DNAH3: variants seen among roughly 807,000 people sequenced by gnomAD.
DNAH3 encodes dynein axonemal heavy chain 3.
DNAH3 carries 332 observed loss-of-function variants against 432.5 expected under a neutral mutation model. That is an observed-to-expected ratio of 0.77 (90% CI 0.70 to 0.84). The LOEUF is 0.84. Ranked by LOEUF, DNAH3 falls within the 40% of genes least tolerant of loss-of-function variation. The pLI is 0.00. For synonymous variants in DNAH3, 1,956 were observed against 1,900.2 expected, an observed-to-expected ratio of 1.03 and a Z score of -0.76; for missense variants, 4,861 against 5,114.0, an observed-to-expected ratio of 0.95 and a Z score of 1.51.
intron 50 of DNAH3, 137 bp downstream of exon 50, chr16:20,979,193 G>A (rs2085738253): frequency 1.3e-5 from 9 of 707,844 alleles, no homozygotes; most frequent in South Asian, 3.6e-5. Flanking sequence ...AGTGATGTAG[G>A]TAAGGTAAGC....
chr16:20,942,565 A>G (rs908822309), intron 58 of DNAH3, among the ~76,000 whole-genome samples: 1 of 152,190 alleles, frequency 6.6e-6, no homozygotes, highest in African/African-American at 2.4e-5. Context: ...TCATGAAAGC[A>G]AATTAGCAAA....
At chr16:20,999,167 A>G (rs1157816353) in intron 43 of DNAH3, among the ~76,000 whole-genome samples, 1 of 151,822 alleles carries the variant, frequency 6.6e-6, no homozygotes, top group Non-Finnish European at 1.5e-5. Flanking sequence ...AGGTAGTAGG[A>G]TCACTTGGGC....
At chr16:21,073,841 G>A (rs1246400354) in intron 21 of DNAH3, among the ~76,000 whole-genome samples, 1 of 152,098 alleles carries the variant, frequency 6.6e-6, no homozygotes, top group Non-Finnish European at 1.5e-5. Flanking sequence ...AGGAAGGACT[G>A]CTACACAGAG....
intron 41 of DNAH3, among the ~76,000 whole-genome samples, chr16:21,018,834 G>A (rs925122388): frequency 1.6e-4 from 24 of 151,946 alleles, no homozygotes; most frequent in Admixed American, 1.5e-3. Context: ...GGCAGTGGGT[G>A]CAGTGAGCCA....
intron 44 of DNAH3, among the ~76,000 whole-genome samples, chr16:20,994,392 T>C (rs777628267): frequency 2.6e-5 from 4 of 152,110 alleles, no homozygotes; most frequent in South Asian, 2.1e-4. Context: ...GATCATGCCA[T>C]TGCACTCCAG....
At chr16:21,064,144 T>C (rs2090458762) in intron 24 of DNAH3, among the ~76,000 whole-genome samples, 1 of 152,244 alleles carries the variant, frequency 6.6e-6, no homozygotes, top group African/African-American at 2.4e-5. Flanking sequence ...AACATGAGTC[T>C]GTGCACGTTC....
At chr16:21,061,991 A>G (rs917758275) in intron 25 of DNAH3, among the ~76,000 whole-genome samples, 2 of 152,184 alleles carry the variant, frequency 1.3e-5, no homozygotes, top group Non-Finnish European at 2.9e-5. Context: ...TTTCCACTTG[A>G]GGGTGCTGTC....
intron 9 of DNAH3, among the ~76,000 whole-genome samples, chr16:21,123,138 T>C (rs1597429450): frequency 6.6e-6 from 1 of 152,324 alleles, no homozygotes; most frequent in East Asian, 1.9e-4. Context: ...TCATAATCCA[T>C]ATAACCCCAA....
intron 19 of DNAH3, 49 bp downstream of exon 19, chr16:21,086,800 G>A: frequency 6.5e-7 from 1 of 1,542,392 alleles, no homozygotes; most frequent in Non-Finnish European, 9.0e-7. Flanking sequence ...GACAGTCAGG[G>A]CCAGGCCTGG....
chr16:21,130,766 G>A (rs753432820), intron 7 of DNAH3, among the ~76,000 whole-genome samples: 4 of 152,082 alleles, frequency 2.6e-5, no homozygotes, highest in Non-Finnish European at 5.9e-5. Context: ...ACAATTTGCC[G>A]TCTTTGCTAC....
At position 20,985,736 on chromosome 16, in the gene DNAH3, G is replaced by A. The variant is rs753654014; in HGVS notation, c.7027-21C>T. 6.9e-6 allele frequency: 11 copies of A among 1,602,456 alleles called. No homozygotes were observed. In the East Asian group the frequency reaches 8.9e-5, roughly 13 times the overall value. On this transcript the variant is annotated intron_variant, in intron 47 of 61. Transcript: ENST00000261383. ...AGCACCTGTAAGAAAAGTAAATCTC[G>A]GCGGGGCATTCAGTGAATGGCCCAG...
At chr16:21,141,270 C>G (rs1292258804) in intron 4 of DNAH3, 30 bp downstream of exon 5, 2 of 1,528,814 alleles carry the variant, frequency 1.3e-6, no homozygotes, top group Admixed American at 3.8e-5. Context: ...CACCGTCCTG[C>G]CTTCTCTGGT....
intron 1 of DNAH3, among the ~76,000 whole-genome samples, chr16:21,155,490 C>T (rs543741113): frequency 2.6e-4 from 40 of 151,906 alleles, no homozygotes; most frequent in African/African-American, 9.2e-4. Context: ...GGCGTGGCGG[C>T]ACATGCCTGT....
At chr16:20,984,424 A>C (rs1259120301) in intron 48 of DNAH3, among the ~76,000 whole-genome samples, 1 of 152,170 alleles carries the variant, frequency 6.6e-6, no homozygotes, top group East Asian at 1.9e-4. Context: ...GGTAACAGAC[A>C]GGACTTGGTA....
At chr16:20,986,742 T>C (rs1407851059) in intron 47 of DNAH3, among the ~76,000 whole-genome samples, 1 of 152,166 alleles carries the variant, frequency 6.6e-6, no homozygotes, top group Non-Finnish European at 1.5e-5. Context: ...CCTCGTCCTA[T>C]GTTAGAACCC....
intron 15 of DNAH3, 82 bp from the exon 16 acceptor site, chr16:21,104,676 A>G (rs2091908709): frequency 1.3e-6 from 1 of 776,172 alleles, no homozygotes; most frequent in South Asian, 1.5e-5. Context: ...AGACAGAACA[A>G]GAGGTCAACA....
intron 41 of DNAH3, among the ~76,000 whole-genome samples, chr16:21,017,940 CTTTA>C (rs1328576510): frequency 2.0e-5 from 3 of 152,154 alleles, no homozygotes; most frequent in South Asian, 2.1e-4. Context: ...ACCGTTAGCT[CTTTA>C]TTTGTTTTAG....
intron 53 of DNAH3, among the ~76,000 whole-genome samples, chr16:20,961,670 C>A (rs2084826884): frequency 6.6e-6 from 1 of 151,658 alleles, no homozygotes; most frequent in Non-Finnish European, 1.5e-5. Context: ...CATCAGCAAG[C>A]CAATCAGAGA....
chr16:21,115,388 TA>T (rs11460795), intron 12 of DNAH3, among the ~76,000 whole-genome samples: 35 of 141,198 alleles, frequency 2.5e-4, no homozygotes, highest in Admixed American at 2.8e-4. Flanking sequence ...GCTTAAAGTG[TA>T]AAAAAAAAAA....
Sources: allele counts gnomAD v4.1 joint callset (sites outside exome capture counted in the v4.1 genomes callset), GRCh38; gene constraint gnomAD v4.1.1; transcripts MANE v1.5; gene names NCBI Gene and HGNC (gene_info 2026-07-23, HGNC 2026-07-21).